The following MEI4 variants were observed in gnomAD, a reference collection of about 807,000 sequenced individuals.
The protein encoded by MEI4 is meiosis-specific protein MEI4.
In MEI4, 27 loss-of-function variants were observed where a neutral mutation model predicts 31.4. The observed-to-expected ratio is 0.86, with a 90% CI of 0.63 to 1.19. The LOEUF is 1.19. Ranked by LOEUF, MEI4 falls within the 50% of genes most tolerant of loss-of-function variation. MEI4 has a pLI of 0.00. For missense variants in MEI4, 329 were observed against 398.9 expected, an observed-to-expected ratio of 0.82 and a Z score of 1.49; for synonymous variants, 122 against 145.4, an observed-to-expected ratio of 0.84 and a Z score of 1.16.
At chr6:77,704,081 A>G (rs1766281066) in intron 2 of MEI4, among the ~76,000 whole-genome samples, 1 of 152,234 alleles carries the variant, frequency 6.6e-6, no homozygotes, top group Non-Finnish European at 1.5e-5. Context: ...GAAGAAATAC[A>G]GAGCGCAAGT....
At chr6:77,654,591 C>G (rs1485762193) in intron 1 of MEI4, among the ~76,000 whole-genome samples, 1 of 88,728 alleles carries the variant, frequency 1.1e-5, no homozygotes, top group Admixed American at 1.1e-4. Context: ...AAAAGTACTA[C>G]TACTGTTTAT....
chr6:77,743,569 A>G (rs1767482687), intron 2 of MEI4, among the ~76,000 whole-genome samples: 1 of 152,198 alleles, frequency 6.6e-6, no homozygotes, highest in South Asian at 2.1e-4. Flanking sequence ...ATCTGCAAAC[A>G]GGGACTTACT....
chr6:77,682,654 G>T (rs949581148), intron 1 of MEI4, among the ~76,000 whole-genome samples: 1 of 152,140 alleles, frequency 6.6e-6, no homozygotes, highest in Non-Finnish European at 1.5e-5. Context: ...CCCTGTGATT[G>T]TAAGACCTAT....
At chr6:77,743,774 C>T (rs1262858707) in intron 2 of MEI4, among the ~76,000 whole-genome samples, 2 of 152,168 alleles carry the variant, frequency 1.3e-5, no homozygotes, top group African/African-American at 4.8e-5. Flanking sequence ...GACAAAACTT[C>T]CAGAGGAAAG....
intron 2 of MEI4, among the ~76,000 whole-genome samples, chr6:77,759,051 T>C (rs1767982386): frequency 6.6e-6 from 1 of 151,976 alleles, no homozygotes; most frequent in African/African-American, 2.4e-5. Context: ...GAAGCTGCTA[T>C]GAATGAGGTA....
intron 4 of MEI4, among the ~76,000 whole-genome samples, chr6:77,853,726 G>C (rs1019897433): frequency 2.0e-4 from 31 of 152,118 alleles, no homozygotes; most frequent in African/African-American, 7.0e-4. Context: ...TATGTTTCAT[G>C]AATAGTTCTA....
At chr6:77,905,475 CTTTTTTTTT>C (rs70974691) in intron 4 of MEI4, among the ~76,000 whole-genome samples, 3 of 93,342 alleles carry the variant, frequency 3.2e-5, no homozygotes, top group African/African-American at 1.1e-4. Flanking sequence ...AAATTTTCAG[CTTTTTTTTT>C]TTTTTTTTTT....
chr6:77,701,085 T>A (rs1052456738), intron 2 of MEI4, among the ~76,000 whole-genome samples: 2 of 152,170 alleles, frequency 1.3e-5, no homozygotes, highest in African/African-American at 2.4e-5. Flanking sequence ...AACATACGAG[T>A]GAAAAGCTAT....
At chr6:77,795,723 A>G (rs1769057609) in intron 3 of MEI4, among the ~76,000 whole-genome samples, 1 of 151,952 alleles carries the variant, frequency 6.6e-6, no homozygotes, top group Non-Finnish European at 1.5e-5. Context: ...CTGAAGAAAT[A>G]GAAAATCTTA....
intron 4 of MEI4, among the ~76,000 whole-genome samples, chr6:77,854,815 A>G (rs2127719332): frequency 6.6e-6 from 1 of 152,136 alleles, no homozygotes; most frequent in South Asian, 2.1e-4. Flanking sequence ...CCTCAAAGCA[A>G]CCGTCTGGTA....
chr6:77,697,526 C>G (rs1766082899), intron 2 of MEI4, among the ~76,000 whole-genome samples: 1 of 152,000 alleles, frequency 6.6e-6, no homozygotes, highest in African/African-American at 2.4e-5. Context: ...CGTTATGTAC[C>G]CAGTAGTCAT....
At chr6:77,899,366 A>T (rs1347584050) in intron 4 of MEI4, among the ~76,000 whole-genome samples, 2 of 151,320 alleles carry the variant, frequency 1.3e-5, no homozygotes, top group African/African-American at 2.4e-5. Context: ...CCAGAAAATT[A>T]TCTCATTCTC....
intron 4 of MEI4, among the ~76,000 whole-genome samples, chr6:77,868,528 TGCAG>T (rs1771115481): frequency 7.2e-6 from 1 of 139,064 alleles, no homozygotes; most frequent in Non-Finnish European, 1.6e-5. Flanking sequence ...TATATATATA[TGCAG>T]ATTTCAAGTA....
At chr6:77,681,701 T>G (rs1194190686) in intron 1 of MEI4, among the ~76,000 whole-genome samples, 1 of 152,138 alleles carries the variant, frequency 6.6e-6, no homozygotes, top group Non-Finnish European at 1.5e-5. Flanking sequence ...AAAATAGTGT[T>G]AAGAGACCGT....
chr6:77,753,183 T>C (rs1326916466), intron 2 of MEI4, among the ~76,000 whole-genome samples: 1 of 152,136 alleles, frequency 6.6e-6, no homozygotes, highest in Non-Finnish European at 1.5e-5. Flanking sequence ...ATTCAGGACA[T>C]AGGCATGGGC....
intron 3 of MEI4, among the ~76,000 whole-genome samples, chr6:77,775,055 C>T (rs1392613426): frequency 6.6e-6 from 1 of 152,212 alleles, no homozygotes; most frequent in Middle Eastern, 3.4e-3. Flanking sequence ...ATAATCTCCA[C>T]CATTTGTCTA....
intron 2 of MEI4, among the ~76,000 whole-genome samples, chr6:77,760,058 T>G (rs1461548820): frequency 6.6e-6 from 1 of 152,162 alleles, no homozygotes; most frequent in Admixed American, 6.6e-5. Context: ...GTGTTTATGA[T>G]GGCATGTCTG....
At chr6:77,841,534 G>C (rs1770364933) in intron 4 of MEI4, among the ~76,000 whole-genome samples, 1 of 150,984 alleles carries the variant, frequency 6.6e-6, no homozygotes, top group South Asian at 2.1e-4. Flanking sequence ...TAGAGATGGA[G>C]TTTCACCATG....
chr6:77,816,380 T>A (rs1359804546), intron 3 of MEI4, among the ~76,000 whole-genome samples: 1 of 152,198 alleles, frequency 6.6e-6, no homozygotes, highest in Non-Finnish European at 1.5e-5. Flanking sequence ...TAGTTCTTTT[T>A]AAAAAGTTGA....
Sources: allele counts gnomAD v4.1 joint callset (sites outside exome capture counted in the v4.1 genomes callset), GRCh38; gene constraint gnomAD v4.1.1; transcripts MANE v1.5; gene names NCBI Gene and HGNC (gene_info 2026-07-23, HGNC 2026-07-21).